Variants in TMCC1 observed in about 807,000 individuals in gnomAD.
The protein encoded by TMCC1 is transmembrane and coiled-coil domain family 1.
TMCC1 carries 15 observed loss-of-function variants against 52.4 expected under a neutral mutation model. That is an observed-to-expected ratio of 0.29 (90% CI 0.19 to 0.44). The LOEUF is 0.44. Ranked by LOEUF, TMCC1 falls within the 20% of genes least tolerant of loss-of-function variation. TMCC1 has a pLI of 1.00. For missense variants in TMCC1, 503 were observed against 806.0 expected (o/e 0.62, Z 4.55); for synonymous variants, 279 against 301.9 (o/e 0.92, Z 0.79).
chr3:129,756,361 A>G (rs1332600828), intron 4 of TMCC1, among the ~76,000 whole-genome samples: 1 of 152,218 alleles, frequency 6.6e-6, no homozygotes, highest in Non-Finnish European at 1.5e-5. Context: ...ACTTAGCAAT[A>G]AAAAGGAAAA....
intron 4 of TMCC1, among the ~76,000 whole-genome samples, chr3:129,796,438 C>T (rs2403525): frequency 0.63 from 95,532 of 152,104 alleles, 35,272 homozygotes; most frequent in Non-Finnish European, 0.83. Flanking sequence ...CAGGCATCCA[C>T]TGGGGGTCAT....
chr3:129,651,911 TG>T lies in TMCC1; in HGVS notation c.1648-117del, dbSNP rs112117397. 0.11 allele frequency: 126,815 copies of T among 1,118,456 alleles called. 12,034 individuals are homozygous for T. The highest frequency in any genetic ancestry group is 0.54 in the East Asian group (20,681 of 38,616). The allele number at this position is 1,118,456 out of a possible 1,614,324, so 69.3% of individuals were successfully genotyped here. Reference sequence around the variant, plus strand: ...AGCAATGCCAATGATTTTATAAATATGCTGGAGCCTTGAATGAATGTAAAAG... The same window carrying T: ...AGCAATGCCAATGATTTTATAAATATCTGGAGCCTTGAATGAATGTAAAAG... On this transcript the variant is annotated intron_variant, in intron 6 of 6. Transcript: ENST00000393238. This position sits in a 1 kb window ranked among gnomAD's most constrained non-coding sequence, Gnocchi z 5.1.
At chr3:129,797,583 A>G (rs1039446915) in intron 4 of TMCC1, among the ~76,000 whole-genome samples, 2 of 151,988 alleles carry the variant, frequency 1.3e-5, no homozygotes, top group Non-Finnish European at 2.9e-5. Flanking sequence ...CTCTACAAAA[A>G]ACACACAAAA....
At position 129,670,971 on chromosome 3, in the gene TMCC1, T is replaced by C; in HGVS notation, c.870A>G (p.Gln290=). The C allele has an allele frequency of 6.2e-7, 1 of 1,614,198 alleles. No homozygotes were observed. Among genetic ancestry groups the C allele is most frequent in the South Asian group, 1.1e-5 (1 of 91,082 alleles). Reference sequence around the variant, plus strand: ...GTTTCTTTTGCAGCTGGAGGATAGTTTGGGCAGATTTCTGGTTCTTCTTCT... The same window carrying C: ...GTTTCTTTTGCAGCTGGAGGATAGTCTGGGCAGATTTCTGGTTCTTCTTCT... ...VFEKKNQKSA[Q]TILQLQKKLE... is the part of the protein sequence containing the mutation. Residue 290 remains glutamine (Q), a synonymous_variant, in exon 5 of 7, where the codon CAA becomes CAG. Transcript: ENST00000393238.
At chr3:129,872,452 T>C (rs2060975600) in intron 2 of TMCC1, among the ~76,000 whole-genome samples, 1 of 152,194 alleles carries the variant, frequency 6.6e-6, no homozygotes, top group African/African-American at 2.4e-5. Flanking sequence ...CCCACAAATA[T>C]GCAATATGAA....
At chr3:129,728,634 C>T (rs1346750543) in intron 4 of TMCC1, among the ~76,000 whole-genome samples, 4 of 152,096 alleles carry the variant, frequency 2.6e-5, no homozygotes, top group Non-Finnish European at 4.4e-5. Flanking sequence ...TTACTTTTTA[C>T]GTATGTGTAC....
intron 4 of TMCC1, among the ~76,000 whole-genome samples, chr3:129,822,094 T>C (rs530705264): frequency 6.6e-6 from 1 of 152,250 alleles, no homozygotes; most frequent in African/African-American, 2.4e-5. Flanking sequence ...TATATATTTA[T>C]GAGGCCTTAT....
At chr3:129,731,816 G>C (rs2050569330) in intron 4 of TMCC1, among the ~76,000 whole-genome samples, 1 of 151,818 alleles carries the variant, frequency 6.6e-6, no homozygotes, top group South Asian at 2.1e-4. Context: ...GTAGAGACAG[G>C]GTTTTGCCAT....
chr3:129,827,750 C>A lies in TMCC1; in HGVS notation c.576+53G>T, dbSNP rs115091495. 8.9e-4 allele frequency: 1,405 copies of A among 1,574,772 alleles called. 12 individuals are homozygous for A. The African/African-American group carries it at 0.017, about 19-fold the overall frequency. ...GTTACCAAAGGAAAGTCTGGAGAGT[C>A]CTAGGTATGAAAAACAGTAAGTTAA... On this transcript the variant is annotated intron_variant, in intron 4 of 6. Transcript: ENST00000393238.
At chr3:129,707,271 C>A (rs1000022178) in intron 4 of TMCC1, among the ~76,000 whole-genome samples, 6 of 152,014 alleles carry the variant, frequency 3.9e-5, no homozygotes, top group Non-Finnish European at 8.8e-5. Flanking sequence ...AATCATATCA[C>A]CTCAAATACA....
intron 4 of TMCC1, among the ~76,000 whole-genome samples, chr3:129,789,567 G>A (rs1403808350): frequency 4.6e-5 from 7 of 152,050 alleles, no homozygotes; most frequent in Non-Finnish European, 1.0e-4. Context: ...TGCAAGCTCC[G>A]CCTCCTGGGT....
At chr3:129,679,041 A>G (rs1005409257) in intron 4 of TMCC1, among the ~76,000 whole-genome samples, 1 of 152,186 alleles carries the variant, frequency 6.6e-6, no homozygotes, top group Non-Finnish European at 1.5e-5. Flanking sequence ...CATGATCTAC[A>G]CCTGCACCAC....
At chr3:129,653,743 G>A (rs986089644) in intron 6 of TMCC1, among the ~76,000 whole-genome samples, 2 of 152,028 alleles carry the variant, frequency 1.3e-5, no homozygotes, top group Non-Finnish European at 2.9e-5. Context: ...CACCATGCCC[G>A]GCCTGTTCTT....
At position 129,846,537 on chromosome 3, in the gene TMCC1, G is replaced by A. The variant is rs540914507; in HGVS notation, c.-183-13711C>T. Among the ~76,000 whole-genome samples the A allele has an allele frequency of 3.3e-3, 501 of 152,018 alleles. 1 individual carries two copies. The highest frequency in any genetic ancestry group is 0.017 in the Middle Eastern group (5 of 294). ...CTTTCTTGTGCTTCTATTTTATAAG[G>A]AGCAACATTTTTCCAACCACCTACT... On this transcript the variant is annotated intron_variant, in intron 2 of 6. Transcript: ENST00000393238.
intron 6 of TMCC1, among the ~76,000 whole-genome samples, chr3:129,653,575 CT>C (rs1195770124): frequency 2.6e-5 from 4 of 152,320 alleles, no homozygotes; most frequent in Admixed American, 2.6e-4. Context: ...TCCTGAGTAG[CT>C]GGGACTACAG....
chr3:129,783,945 T>A (rs574297623), intron 4 of TMCC1, among the ~76,000 whole-genome samples: 1 of 152,346 alleles, frequency 6.6e-6, no homozygotes, highest in Non-Finnish European at 1.5e-5. Flanking sequence ...TGGCAGAGAC[T>A]ACAATATTTG....
chr3:129,692,168 G>T (rs902983299), intron 4 of TMCC1, among the ~76,000 whole-genome samples: 2 of 152,088 alleles, frequency 1.3e-5, no homozygotes, highest in Non-Finnish European at 2.9e-5. Flanking sequence ...AATTTAATCT[G>T]AACTTTGTAA....
intron 2 of TMCC1, among the ~76,000 whole-genome samples, chr3:129,872,088 C>A (rs1392683016): frequency 1.3e-5 from 2 of 152,182 alleles, no homozygotes; most frequent in African/African-American, 2.4e-5. Flanking sequence ...ACCTTTTCTT[C>A]AGAGCACCAG....
chr3:129,881,210 G>A (rs947299449), intron 1 of TMCC1, among the ~76,000 whole-genome samples: 5 of 152,128 alleles, frequency 3.3e-5, no homozygotes, highest in African/African-American at 1.2e-4. Context: ...ATCACATGGA[G>A]GTAATACCAG....
Sources: gnomAD v4.1 joint callset for allele counts (sites outside exome capture counted in the v4.1 genomes callset) on GRCh38, gnomAD v4.1.1 for gene constraint, Gnocchi (gnomAD v3.1) non-coding constraint, MANE v1.5 for transcripts, NCBI Gene and HGNC (gene_info 2026-07-23, HGNC 2026-07-21) for gene names.